Variants in IQSEC3 observed in about 807,000 individuals in gnomAD.
IQSEC3 encodes IQ motif and Sec7 domain ArfGEF 3, also known as IQ motif and SEC7 domain-containing protein 3.
Under a neutral mutation model 105.4 loss-of-function variants are expected in IQSEC3, and 50 were observed. The ratio of observed to expected loss-of-function variants is 0.47; its 90% CI spans 0.38 to 0.60. The LOEUF is 0.60. Ranked by LOEUF, IQSEC3 falls within the 20% of genes least tolerant of loss-of-function variation. IQSEC3 has a pLI of 0.00. For synonymous variants in IQSEC3, 708 were observed against 746.0 expected (o/e 0.95, Z 0.83); for missense variants, 1,415 against 1,630.0 (o/e 0.87, Z 2.27).
chr12:131,042 C>CAA (rs200215074), intron 3 of IQSEC3, among the ~76,000 whole-genome samples: 2 of 55,234 alleles, frequency 3.6e-5, no homozygotes, highest in African/African-American at 1.5e-4. Flanking sequence ...CTGGCCCCCG[C>CAA]TCCTCAGCAC....
chr12:165,278 G>T, intron 9 of IQSEC3, 156 bp from the exon 10 acceptor site: 1 of 647,236 alleles, frequency 1.5e-6, no homozygotes, highest in East Asian at 2.6e-5. Flanking sequence ...AGCACATTTT[G>T]GGATAGTGTG....
At chr12:141,409 C>A in intron 5 of IQSEC3, 124 bp downstream of exon 5, 2 of 1,038,806 alleles carry the variant, frequency 1.9e-6, no homozygotes, top group South Asian at 1.6e-5. Context: ...TCCAGATTGT[C>A]CACAGGAACC....
At chr12:145,705 AG>A (rs1344858399) in intron 5 of IQSEC3, among the ~76,000 whole-genome samples, 1 of 152,222 alleles carries the variant, frequency 6.6e-6, no homozygotes, top group Non-Finnish European at 1.5e-5. Context: ...AGCCAGAGCT[AG>A]GGCCCTCTAG....
At chr12:164,233 C>T (rs1867063349) in intron 9 of IQSEC3, among the ~76,000 whole-genome samples, 1 of 152,156 alleles carries the variant, frequency 6.6e-6, no homozygotes, top group South Asian at 2.1e-4. Context: ...GCCACGTTGG[C>T]ACTGCCTCCA....
intron 1 of IQSEC3, among the ~76,000 whole-genome samples, chr12:81,669 G>C (rs1364589408): frequency 6.6e-6 from 1 of 152,194 alleles, no homozygotes. Flanking sequence ...AGATGTTTGA[G>C]AGGAGATGTG....
chr12:75,619 A>C (rs1863488247), intron 1 of IQSEC3, among the ~76,000 whole-genome samples: 1 of 152,270 alleles, frequency 6.6e-6, no homozygotes, highest in Admixed American at 6.5e-5. Context: ...TGTGGGCAGG[A>C]AGAGCTGGCA....
intron 3 of IQSEC3, among the ~76,000 whole-genome samples, chr12:126,619 T>A (rs527514843): frequency 6.6e-6 from 1 of 151,626 alleles, no homozygotes; most frequent in South Asian, 2.1e-4. Context: ...AGGAAAGAGC[T>A]TTGAACTTGG....
intron 2 of IQSEC3, among the ~76,000 whole-genome samples, chr12:118,718 G>T (rs782482793): frequency 6.6e-6 from 1 of 152,234 alleles, no homozygotes; most frequent in South Asian, 2.1e-4. Flanking sequence ...TGAGCCTGCA[G>T]GTAGCTCCTC....
chr12:147,446 C>T (rs1866323115), intron 5 of IQSEC3, among the ~76,000 whole-genome samples: 1 of 152,204 alleles, frequency 6.6e-6, no homozygotes. Flanking sequence ...GGTTGGGGAG[C>T]TTGCCCACAG....
At chr12:144,650 C>T (rs1866188168) in intron 5 of IQSEC3, 1 of 152,222 alleles carries the variant, frequency 6.6e-6, no homozygotes, top group African/African-American at 2.4e-5. Context: ...AATGCTGTGA[C>T]ATTTGCTTTC....
At chr12:159,596 C>G (rs1866815213) in intron 7 of IQSEC3, among the ~76,000 whole-genome samples, 2 of 152,228 alleles carry the variant, frequency 1.3e-5, no homozygotes. Context: ...TGCTGCTCTG[C>G]CATCCCAGCT....
At chr12:174,475 G>A in intron 13 of IQSEC3, 124 bp from the exon 14 acceptor site, 1 of 886,896 alleles carries the variant, frequency 1.1e-6, no homozygotes, top group Non-Finnish European at 1.6e-6. Context: ...TGGAGAGATG[G>A]CGAGAGGGTC....
At chr12:125,607 C>G (rs781901680) in intron 2 of IQSEC3, 26 bp from the exon 3 acceptor site, 2 of 1,473,780 alleles carry the variant, frequency 1.4e-6, no homozygotes, top group Admixed American at 2.4e-5. Context: ...CTCCCCCAAC[C>G]GAGCACCGTT....
intron 2 of IQSEC3, among the ~76,000 whole-genome samples, chr12:123,685 A>G (rs535877200): frequency 6.6e-6 from 1 of 152,262 alleles, no homozygotes; most frequent in South Asian, 2.1e-4. Context: ...AAGCACCAGG[A>G]GGAACACCTC....
At chr12:113,725 A>C (rs1342732581) in intron 2 of IQSEC3, among the ~76,000 whole-genome samples, 1 of 152,108 alleles carries the variant, frequency 6.6e-6, no homozygotes, top group East Asian at 1.9e-4. Flanking sequence ...AACTGTCCTG[A>C]TGAACAGGAT....
chr12:71,040 G>A (rs1229050999), intron 1 of IQSEC3, among the ~76,000 whole-genome samples: 1 of 152,198 alleles, frequency 6.6e-6, no homozygotes, highest in East Asian at 1.9e-4. Flanking sequence ...AGCTACACAG[G>A]GAAATCTCTT....
chr12:175,221 A>AC lies in IQSEC3; in HGVS notation c.*193dup, dbSNP rs1939203377. The AC allele has an allele frequency of 5.4e-6, 3 of 560,476 alleles. No homozygotes were observed. The highest frequency in any genetic ancestry group is 9.4e-6 in the Non-Finnish European group (3 of 320,210). The allele number at this position is 560,476 out of a possible 1,614,324, so 34.7% of individuals were successfully genotyped here. A position where few individuals can be genotyped will look rare whatever the true frequency, so the allele number is the denominator to read the frequency against. ...AACCATCCTTCCCTTTCTCAGCTGCACCCCCTCTGCAGATCTGAAGACACA... is the reference window on the plus strand; with the variant it reads ...AACCATCCTTCCCTTTCTCAGCTGCACCCCCCTCTGCAGATCTGAAGACACA... On this transcript the variant is annotated 3_prime_UTR_variant, in exon 14 of 14. Coordinates refer to ENST00000538872, the MANE Select transcript of IQSEC3 (RefSeq NM_001170738.2).
At chr12:172,934 G>T (rs1166757992) in intron 13 of IQSEC3, among the ~76,000 whole-genome samples, 3 of 152,224 alleles carry the variant, frequency 2.0e-5, no homozygotes, top group Non-Finnish European at 4.4e-5. Flanking sequence ...GCGCGGCACG[G>T]GGAGCTTCAG....
intron 2 of IQSEC3, among the ~76,000 whole-genome samples, chr12:109,822 T>C (rs1864818058): frequency 6.6e-6 from 1 of 152,222 alleles, no homozygotes; most frequent in Non-Finnish European, 1.5e-5. Flanking sequence ...TGATCTGTCT[T>C]TTCCAGTCTC....
Sources: allele counts gnomAD v4.1 joint callset (sites outside exome capture counted in the v4.1 genomes callset), GRCh38; gene constraint gnomAD v4.1.1; transcripts MANE v1.5; gene names NCBI Gene and HGNC (gene_info 2026-07-23, HGNC 2026-07-21).